Variants in PRRX2 observed in about 807,000 individuals in gnomAD.
The protein encoded by PRRX2 is paired mesoderm homeobox protein 2.
Under a neutral mutation model 18.0 loss-of-function variants are expected in PRRX2, and 11 were observed. That is an observed-to-expected ratio of 0.61 (90% CI 0.39 to 1.01). The LOEUF is 1.01. PRRX2 is among the 50% of genes least tolerant of loss of function. The pLI is 0.01. For synonymous variants in PRRX2, 177 were observed against 154.8 expected (o/e 1.14, Z -1.06); for missense variants, 387 against 351.0 (o/e 1.10, Z -0.82).
intron 2 of PRRX2, among the ~76,000 whole-genome samples, chr9:129,719,806 A>G (rs1832765734): frequency 6.6e-6 from 1 of 152,066 alleles, no homozygotes; most frequent in Non-Finnish European, 1.5e-5. Context: ...GGCCAACATA[A>G]TGAAACCCCA....
rs58405360 is a variant in PRRX2, at chr9:129,715,750, TCACACACACACACACACACACACA to T, written c.260-3461_260-3438del. Among the ~76,000 whole-genome samples, 1 of 138,862 alleles carries T rather than the reference TCACACACACACACACACACACACA, an allele frequency of 7.2e-6. No homozygotes were observed. Among genetic ancestry groups the T allele is most frequent in the East Asian group, 2.3e-4 (1 of 4,400 alleles). 91.1% of individuals were successfully genotyped at this position (138,862 alleles called of 152,430 possible). On this transcript the variant is annotated intron_variant, in intron 1 of 3. Coordinates refer to ENST00000372469, the MANE Select transcript of PRRX2 (RefSeq NM_016307.4). This position sits in a 1 kb window ranked among gnomAD's most constrained non-coding sequence, Gnocchi z 4.0. ...AAACCCAGCTTCAGGGACATCTTTC[TCACACACACACACACACACACACA>T]CACACACACACACACACACTCATTT...
intron 1 of PRRX2, among the ~76,000 whole-genome samples, chr9:129,694,247 C>T (rs1186872702): frequency 6.6e-6 from 1 of 152,210 alleles, no homozygotes; most frequent in African/African-American, 2.4e-5. Context: ...ACTGCAACCT[C>T]TGCCTCCTGG....
intron 1 of PRRX2, among the ~76,000 whole-genome samples, chr9:129,699,818 A>G (rs1832472363): frequency 6.6e-6 from 1 of 152,122 alleles, no homozygotes; most frequent in Non-Finnish European, 1.5e-5. Flanking sequence ...GTGTCAGTGC[A>G]AGCTTTGGGG....
intron 1 of PRRX2, among the ~76,000 whole-genome samples, chr9:129,670,418 G>A (rs963686310): frequency 3.3e-5 from 5 of 152,030 alleles, no homozygotes; most frequent in Non-Finnish European, 7.4e-5. Context: ...TCCATTGACC[G>A]GGTTGGAGTA....
intron 1 of PRRX2, among the ~76,000 whole-genome samples, chr9:129,717,586 C>G (rs748369335): frequency 3.3e-5 from 5 of 151,020 alleles, no homozygotes; most frequent in Non-Finnish European, 5.9e-5. Flanking sequence ...ATCCCAGCTA[C>G]TCGAGAGGCT....
rs1487138055 is a variant in PRRX2 at position 129,709,136 on chromosome 9, G to A, written c.260-10095G>A. On this transcript the variant is annotated intron_variant, in intron 1 of 3. Transcript: ENST00000372469. The surrounding 1 kb of genome is among the most constrained non-coding windows in gnomAD (Gnocchi z 4.2). ...TTTAGCCAGTGCGGTGGGGATGGGGGAAGGGTGCCCTAGCTAGAGGGAACA... is the reference window on the plus strand; with the variant it reads ...TTTAGCCAGTGCGGTGGGGATGGGGAAAGGGTGCCCTAGCTAGAGGGAACA... Among the ~76,000 whole-genome samples the A allele has an allele frequency of 2.6e-5, 4 of 152,088 alleles. No homozygotes were observed. Among genetic ancestry groups the A allele is most frequent in the Admixed American group, 6.5e-5 (1 of 15,272 alleles).
intron 1 of PRRX2, among the ~76,000 whole-genome samples, chr9:129,711,767 T>A (rs1349171816): frequency 6.6e-6 from 1 of 152,118 alleles, no homozygotes; most frequent in East Asian, 1.9e-4. Context: ...ACTCTGCTAG[T>A]GAGGCGGACC....
intron 1 of PRRX2, among the ~76,000 whole-genome samples, chr9:129,672,738 C>T (rs1445806759): frequency 6.6e-6 from 1 of 152,080 alleles, no homozygotes; most frequent in Non-Finnish European, 1.5e-5. Context: ...GATGCCCTTC[C>T]CCTCCTGCCC....
At position 129,675,133 on chromosome 9, in the gene PRRX2, CCTGGA is replaced by C. The variant is rs1467567699; in HGVS notation, c.259+9008_259+9012del. Among the ~76,000 whole-genome samples the C allele has an allele frequency of 6.6e-6, 1 of 152,156 alleles. No homozygotes were observed. The highest frequency in any genetic ancestry group is 2.4e-5 in the African/African-American group (1 of 41,424). On this transcript the variant is annotated intron_variant, in intron 1 of 3. Transcript: ENST00000372469. This position sits in a 1 kb window ranked among gnomAD's most constrained non-coding sequence, Gnocchi z 4.4. ...CAGGATGCATAAGGCTGGCTCTGGA[CCTGGA>C]AGGGCCCGGAAGTGTCCAGTATACA...
At chr9:129,666,571 A>ACCCCC (rs532808399) in intron 1 of PRRX2, among the ~76,000 whole-genome samples, 5 of 95,420 alleles carry the variant, frequency 5.2e-5, no homozygotes, top group Non-Finnish European at 6.8e-5. Context: ...GTGCCTGCCC[A>ACCCCC]CCCCCCCCCA....
rs373913153 is a variant in PRRX2 at position 129,719,333 on chromosome 9, G to C, written c.362G>C (p.Arg121Pro). ...FNSSQLQALE[R>P]VFERTHYPDA... ...AGCAGCCAACTGCAGGCGCTGGAGC[G>C]CGTGTTCGAGCGCACGCACTACCCC... Residue 121 changes from arginine (R) to proline (P), a missense_variant, in exon 2 of 4, where the codon CGC becomes CCC. Transcript: ENST00000372469. 2 of 1,600,124 alleles carry C rather than the reference G, an allele frequency of 1.2e-6. No individual in the cohort carries two copies. Among genetic ancestry groups the C allele is most frequent in the Non-Finnish European group, 1.7e-6 (2 of 1,174,118 alleles).
At chr9:129,702,875 G>A (rs1298454098) in intron 1 of PRRX2, among the ~76,000 whole-genome samples, 1 of 152,228 alleles carries the variant, frequency 6.6e-6, no homozygotes, top group Non-Finnish European at 1.5e-5. Context: ...CAAGGGGGGC[G>A]GGGCAGCTCC....
chr9:129,666,249 C>T (rs2119042835), intron 1 of PRRX2, 123 bp downstream of exon 1: 1 of 785,278 alleles, frequency 1.3e-6, no homozygotes, highest in African/African-American at 1.9e-5. Flanking sequence ...GGCGGCAGGA[C>T]TTCTGGGGGC....
In PRRX2 at chr9:129,709,599, C is replaced by T. The variant is rs1314530321; in HGVS notation, c.260-9632C>T. On this transcript the variant is annotated intron_variant, in intron 1 of 3. Transcript: ENST00000372469. This position sits in a 1 kb window ranked among gnomAD's most constrained non-coding sequence, Gnocchi z 4.2. ...TGGGGCCCCCTGGGGACCTGTCTGACTCCTCGGGCCCCACTGCGGCTTCCA... is the reference window on the plus strand; with the variant it reads ...TGGGGCCCCCTGGGGACCTGTCTGATTCCTCGGGCCCCACTGCGGCTTCCA... Among the ~76,000 whole-genome samples, 1 of 152,238 alleles carries T rather than the reference C, an allele frequency of 6.6e-6. No individual in the cohort carries two copies. The highest frequency in any genetic ancestry group is 2.4e-5 in the African/African-American group (1 of 41,458).
chr9:129,694,743 G>A (rs1377491782), intron 1 of PRRX2, among the ~76,000 whole-genome samples: 2 of 152,178 alleles, frequency 1.3e-5, no homozygotes, highest in Admixed American at 1.3e-4. Context: ...TTGCAGGTGT[G>A]AGGATTCCTC....
At chr9:129,702,832 G>A (rs539713573) in intron 1 of PRRX2, among the ~76,000 whole-genome samples, 1 of 152,368 alleles carries the variant, frequency 6.6e-6, no homozygotes, top group South Asian at 2.1e-4. Flanking sequence ...TGCGGAAGAT[G>A]TGGTGCCAGC....
At chr9:129,667,626 A>AG (rs1832042158) in intron 1 of PRRX2, among the ~76,000 whole-genome samples, 1 of 151,138 alleles carries the variant, frequency 6.6e-6, no homozygotes, top group South Asian at 2.1e-4. Flanking sequence ...GAGGGAAGGA[A>AG]GGGGGCCAGG....
At chr9:129,678,721 T>C (rs907706865) in intron 1 of PRRX2, among the ~76,000 whole-genome samples, 4 of 152,050 alleles carry the variant, frequency 2.6e-5, no homozygotes, top group African/African-American at 9.7e-5. Context: ...GTGACTTTTG[T>C]GTTAAGAGCA....
chr9:129,718,706 T>C (rs1189851790), intron 1 of PRRX2: 1 of 152,422 alleles, frequency 6.6e-6, no homozygotes, highest in Non-Finnish European at 1.5e-5. Context: ...TTAGGGCTCC[T>C]GGGAGCTTCC....
Sources: gnomAD v4.1 joint callset for allele counts (sites outside exome capture counted in the v4.1 genomes callset) on GRCh38, gnomAD v4.1.1 for gene constraint, Gnocchi (gnomAD v3.1) non-coding constraint, MANE v1.5 for transcripts, NCBI Gene and HGNC (gene_info 2026-07-23, HGNC 2026-07-21) for gene names.